The following TAF5 variants were observed in gnomAD, a reference collection of about 807,000 sequenced individuals.
TAF5 encodes the protein TATA-box binding protein associated factor 5, also known as transcription initiation factor TFIID subunit 5.
Under a neutral mutation model 80.9 loss-of-function variants are expected in TAF5, and 20 were observed. The observed-to-expected ratio is 0.25, with a 90% CI of 0.17 to 0.36. The LOEUF (loss-of-function observed/expected upper bound fraction) is 0.36, where lower values mean the gene tolerates loss of function less well. TAF5 is among the 10% of genes least tolerant of loss of function. The probability of loss-of-function intolerance (pLI) is 1.00; values close to 1 mark genes in which losing one functional copy is unlikely to be tolerated. For missense variants in TAF5, 863 were observed against 1,029.4 expected (o/e 0.84, Z 2.21); for synonymous variants, 388 against 406.4 (o/e 0.95, Z 0.55).
At chr10:103,373,718 G>A (rs1199766476) in intron 2 of TAF5, 123 bp downstream of exon 2, 2 of 735,792 alleles carry the variant, frequency 2.7e-6, no homozygotes, top group Non-Finnish European at 4.3e-6. Context: ...CGTTGTGAAG[G>A]AGAGGTACCT....
Position 103,369,515 on chromosome 10 carries a change from C to T in TAF5, c.559+967C>T, listed in dbSNP as rs550209636. On this transcript the variant is annotated intron_variant, in intron 1 of 10. Coordinates refer to ENST00000369839, the MANE Select transcript of TAF5 (RefSeq NM_006951.5). ...GTGGGACTACTGGCACGCGCCACCA[C>T]GCCCGGCTAATTTTTAAAAATATAT... 1.6e-4 allele frequency among the ~76,000 whole-genome samples: 24 copies of T among 152,196 alleles called. No individual in the cohort carries two copies. The South Asian group carries it at 5.0e-3, about 32-fold the overall frequency.
intron 2 of TAF5, among the ~76,000 whole-genome samples, chr10:103,377,814 T>C (rs774432955): frequency 3.3e-5 from 5 of 152,178 alleles, no homozygotes; most frequent in Non-Finnish European, 5.9e-5. Flanking sequence ...TACTCTTTTT[T>C]ATGCCTTTGA....
chr10:103,387,775 T>A (rs908913092), intron 10 of TAF5, 77 bp downstream of exon 10: 35 of 1,434,284 alleles, frequency 2.4e-5, no homozygotes, highest in Non-Finnish European at 3.1e-5. Flanking sequence ...TACTAAGTCC[T>A]TATGTTTTAG....
At chr10:103,384,277 G>T (rs1159725582) in intron 7 of TAF5, among the ~76,000 whole-genome samples, 1 of 152,164 alleles carries the variant, frequency 6.6e-6, no homozygotes, top group Non-Finnish European at 1.5e-5. Context: ...CTCTAACACT[G>T]TAAAAATGGG....
chr10:103,387,968 A>G, intron 10 of TAF5, 38 bp from the exon 11 acceptor site: 3 of 1,562,540 alleles, frequency 1.9e-6, no homozygotes, highest in Non-Finnish European at 2.6e-6. Context: ...TGTAAATATG[A>G]TGGATGCAAC....
In TAF5 at chr10:103,381,726, C is replaced by T. The variant is rs2093383317; in HGVS notation, c.1419C>T (p.Leu473=). 1 of 1,614,016 alleles carries T rather than the reference C, an allele frequency of 6.2e-7. No individual in the cohort carries two copies. The highest frequency in any genetic ancestry group is 8.5e-7 in the Non-Finnish European group (1 of 1,180,032). ...TCTAACCCTTTTATTGGCAGGGTCT[C>T]ACTGCAGTGGATGTCACTGATGATT... ...FYTFLNAYQG[L]TAVDVTDDSS... is the part of the protein sequence containing the mutation. Residue 473 remains leucine (L), a synonymous_variant, in exon 6 of 11, where the codon CTC becomes CTT. Coordinates refer to ENST00000369839, the MANE Select transcript of TAF5 (RefSeq NM_006951.5).
intron 1 of TAF5, among the ~76,000 whole-genome samples, chr10:103,369,065 G>A (rs2093352893): frequency 6.7e-6 from 1 of 150,028 alleles, no homozygotes; most frequent in Admixed American, 6.7e-5. Context: ...TGCAACCTCC[G>A]CCTCCCGGGT....
At position 103,387,179 on chromosome 10, in the gene TAF5, T is replaced by G; in HGVS notation, c.1834T>G (p.Trp612Gly). ...SGGHDRVARL[W>G]ATDHYQPLRI... ...CTTTCAATAACTTTATAAAAGGCTC[T>G]GGGCTACAGACCACTATCAGCCTTT... is the stretch of plus-strand genomic sequence containing the variant. Residue 612 changes from tryptophan (W) to glycine (G), a missense_variant, in exon 9 of 11, where the codon TGG becomes GGG. Transcript: ENST00000369839. 1 of 1,610,390 alleles carries G rather than the reference T, an allele frequency of 6.2e-7. No individual in the cohort carries two copies. The highest frequency in any genetic ancestry group is 8.5e-7 in the Non-Finnish European group (1 of 1,177,958).
At chr10:103,381,476 A>G (rs947327802) in intron 5 of TAF5, among the ~76,000 whole-genome samples, 32 of 152,240 alleles carry the variant, frequency 2.1e-4, no homozygotes, top group African/African-American at 7.5e-4. Flanking sequence ...CATGTTGGCC[A>G]GGCTGGTCTT....
At chr10:103,387,146 A>G (rs775448773) in intron 8 of TAF5, 29 bp from the exon 9 acceptor site, 35 of 1,587,532 alleles carry the variant, frequency 2.2e-5, no homozygotes, top group Non-Finnish European at 2.7e-5. Context: ...ACTAATTGTC[A>G]TCTTTTGCTT....
At position 103,368,372 on chromosome 10, in the gene TAF5, C is replaced by G; in HGVS notation, c.383C>G (p.Ala128Gly). Residue 128 changes from alanine to glycine, a missense_variant, in exon 1 of 11, where the codon GCG becomes GGG. This residue lies in a region of TAF5 where 367 missense variants were observed against 335.5 expected (regional missense o/e 1.09). Coordinates refer to ENST00000369839, the MANE Select transcript of TAF5 (RefSeq NM_006951.5). ...REAGLLEEAV[A>G]GSGAPGEVDS... Reference sequence around the variant, plus strand: ...GCCGGGCTGCTGGAGGAGGCAGTGGCGGGCTCCGGAGCCCCGGGAGAGGTG... The same window carrying G: ...GCCGGGCTGCTGGAGGAGGCAGTGGGGGGCTCCGGAGCCCCGGGAGAGGTG... 1 of 1,563,026 alleles carries G rather than the reference C, an allele frequency of 6.4e-7. No homozygotes were observed. The highest frequency in any genetic ancestry group is 1.2e-5 in the South Asian group (1 of 86,546).
chr10:103,385,998 A>T (rs929881442), intron 8 of TAF5, among the ~76,000 whole-genome samples: 1 of 151,618 alleles, frequency 6.6e-6, no homozygotes, highest in Non-Finnish European at 1.5e-5. Flanking sequence ...AATTACATCT[A>T]TATGAATCCT....
intron 2 of TAF5, 100 bp downstream of exon 2, chr10:103,373,695 A>G: frequency 6.7e-6 from 6 of 891,322 alleles, no homozygotes; most frequent in Non-Finnish European, 1.0e-5. Context: ...GTAAGACTGC[A>G]ACTTAAAAAG....
chr10:103,382,638 T>G (rs939314268), intron 6 of TAF5, among the ~76,000 whole-genome samples: 5 of 144,062 alleles, frequency 3.5e-5, no homozygotes, highest in African/African-American at 5.0e-5. Context: ...TTTCCATAGG[T>G]TTTTTTTTTT....
At chr10:103,377,576 T>C (rs994031500) in intron 2 of TAF5, among the ~76,000 whole-genome samples, 5 of 152,240 alleles carry the variant, frequency 3.3e-5, no homozygotes, top group African/African-American at 9.6e-5. Flanking sequence ...CTAGTTGTTA[T>C]CAAGGCTAAA....
In TAF5 at chr10:103,388,060, T is replaced by C; in HGVS notation, c.2240T>C (p.Leu747Ser). The C allele has an allele frequency of 6.2e-7, 1 of 1,614,110 alleles. No individual in the cohort carries two copies. Among genetic ancestry groups the C allele is most frequent in the Non-Finnish European group, 8.5e-7 (1 of 1,179,974 alleles). ...LWDAIKAFED[L>S]ETDDFTTATG... Reference sequence around the variant, plus strand: ...GATGCTATCAAAGCCTTTGAAGATTTAGAGACCGATGACTTTACTACAGCC... The same window carrying C: ...GATGCTATCAAAGCCTTTGAAGATTCAGAGACCGATGACTTTACTACAGCC... The change falls in exon 11 of 11, where the codon TTA becomes TCA. Residue 747 changes from leucine to serine, a missense_variant. By Grantham distance (145) the Leu-to-Ser change is moderately radical. Coordinates refer to ENST00000369839, the MANE Select transcript of TAF5 (RefSeq NM_006951.5).
chr10:103,370,669 G>A (rs1592089603), intron 1 of TAF5, among the ~76,000 whole-genome samples: 1 of 152,116 alleles, frequency 6.6e-6, no homozygotes, highest in South Asian at 2.1e-4. Flanking sequence ...TGTTTGGTAT[G>A]GATAAGTTTA....
In TAF5 at chr10:103,381,190, C is replaced by T. The variant is rs189688389; in HGVS notation, c.1414-531C>T. 5.7e-3 allele frequency among the ~76,000 whole-genome samples: 864 copies of T among 152,140 alleles called. 6 individuals are homozygous for T. The highest frequency in any genetic ancestry group is 7.9e-3 in the Non-Finnish European group (538 of 67,988). On this transcript the variant is annotated intron_variant, in intron 5 of 10. Transcript: ENST00000369839. ...ACTTGAATTCCTGAGCTCAGGCAAT[C>T]CACCCGCCTCAGCCTCCTAAAGTGC...
At chr10:103,386,506 G>C (rs2093396658) in intron 8 of TAF5, among the ~76,000 whole-genome samples, 1 of 152,158 alleles carries the variant, frequency 6.6e-6, no homozygotes. Context: ...ACTAGGAATA[G>C]AGGAGGAAGA....
Sources: allele counts gnomAD v4.1 joint callset (sites outside exome capture counted in the v4.1 genomes callset), GRCh38; gene constraint gnomAD v4.1.1; regional missense constraint gnomAD v4.1.1; transcripts MANE v1.5; gene names NCBI Gene and HGNC (gene_info 2026-07-23, HGNC 2026-07-21).